Variants in RTKN2 observed in about 807,000 individuals in gnomAD.
The protein encoded by RTKN2 is rhotekin 2, also known as rhotekin-2.
A neutral mutation model predicts 71.5 loss-of-function variants in RTKN2; 69 were observed. The ratio of observed to expected loss-of-function variants is 0.96; its 90% CI spans 0.79 to 1.18. RTKN2 has a LOEUF of 1.18. Ranked by LOEUF, RTKN2 falls within the 50% of genes most tolerant of loss-of-function variation. RTKN2 has a pLI of 0.00. For synonymous variants in RTKN2, 236 were observed against 236.5 expected, an observed-to-expected ratio of 1.00 and a Z score of 0.02; for missense variants, 724 against 719.7, an observed-to-expected ratio of 1.01 and a Z score of -0.07.
intron 7 of RTKN2, among the ~76,000 whole-genome samples, chr10:62,220,253 A>G (rs1346524578): frequency 1.3e-5 from 2 of 152,204 alleles, no homozygotes; most frequent in Non-Finnish European, 2.9e-5. Context: ...CTTTTTCATT[A>G]ATACATTTTA....
At chr10:62,238,476 A>T (rs977472303) in intron 5 of RTKN2, 2 of 152,010 alleles carry the variant, frequency 1.3e-5, no homozygotes, top group African/African-American at 2.4e-5. Context: ...TAGCAAAATG[A>T]TGTGAAGAAA....
At chr10:62,210,806 C>T (rs1841644314) in intron 9 of RTKN2, among the ~76,000 whole-genome samples, 1 of 151,832 alleles carries the variant, frequency 6.6e-6, no homozygotes, top group Non-Finnish European at 1.5e-5. Context: ...ATGTAAACTC[C>T]TACAGGAAAA....
In RTKN2 at chr10:62,198,165, A is replaced by G. The variant is rs150532416; in HGVS notation, c.1573T>C (p.Leu525=). ...SLKSQSNTDQ[L]VKDNWGKTSV... ...GTTTTTCCCCAGTTGTCCTTAACCA[A>G]TTGATCTGTGTTACTCTGTGATTTT... Residue 525 remains leucine (L), a synonymous_variant, in exon 12 of 12, where the codon TTG becomes CTG. Coordinates refer to ENST00000373789, the MANE Select transcript of RTKN2 (RefSeq NM_145307.4). 40 of 1,614,028 alleles carry G rather than the reference A, an allele frequency of 2.5e-5. No individual in the cohort carries two copies. The highest frequency in any genetic ancestry group is 3.3e-5 in the Non-Finnish European group (39 of 1,180,004).
intron 3 of RTKN2, 57 bp downstream of exon 3, chr10:62,245,942 C>G: frequency 1.9e-6 from 2 of 1,067,256 alleles, no homozygotes; most frequent in Non-Finnish European, 2.8e-6. Flanking sequence ...CAAAATCCAC[C>G]ATGTAGTTAC....
intron 8 of RTKN2, among the ~76,000 whole-genome samples, chr10:62,185,777 C>A (rs2132753094): frequency 6.6e-6 from 1 of 152,364 alleles, no homozygotes; most frequent in South Asian, 2.1e-4. Flanking sequence ...GACTCCTCAC[C>A]TTGCAGCCAC....
chr10:62,210,073 C>T (rs1406300411), intron 9 of RTKN2, among the ~76,000 whole-genome samples: 3 of 152,056 alleles, frequency 2.0e-5, no homozygotes, highest in Non-Finnish European at 4.4e-5. Flanking sequence ...AATTTACACC[C>T]CCACCAACAA....
At chr10:62,247,589 T>C (rs929515893) in intron 2 of RTKN2, among the ~76,000 whole-genome samples, 4 of 151,892 alleles carry the variant, frequency 2.6e-5, no homozygotes. Flanking sequence ...TTAAAAAGAG[T>C]GAAGTTCAAC....
chr10:62,224,428 G>A (rs1278320304), intron 6 of RTKN2, among the ~76,000 whole-genome samples: 1 of 152,072 alleles, frequency 6.6e-6, no homozygotes, highest in African/African-American at 2.4e-5. Context: ...ATAAAAATCT[G>A]CAAATTATTT....
Position 62,195,001 on chromosome 10 carries a change from CT to C in RTKN2, c.*2906del. Reference sequence around the variant, plus strand: ...CTGATATTTTTGAAAGACTATTTACCTTAGGAGGTGTGCATTTAGAATTTTA... The same window carrying C: ...CTGATATTTTTGAAAGACTATTTACCTAGGAGGTGTGCATTTAGAATTTTA... On this transcript the variant is annotated 3_prime_UTR_variant, in exon 12 of 12. Transcript: ENST00000373789. 4.1e-6 allele frequency: 4 copies of C among 985,278 alleles called. No individual in the cohort carries two copies. The highest frequency in any genetic ancestry group is 4.8e-6 in the Non-Finnish European group (4 of 829,834). The allele number at this position is 985,278 out of a possible 1,614,324, so 61.0% of individuals were successfully genotyped here. A position where few individuals can be genotyped will look rare whatever the true frequency, so the allele number is the denominator to read the frequency against.
intron 2 of RTKN2, among the ~76,000 whole-genome samples, chr10:62,261,659 A>G (rs950730903): frequency 1.3e-4 from 20 of 152,160 alleles, no homozygotes; most frequent in Non-Finnish European, 2.5e-4. Context: ...TTTAAAAAAT[A>G]AATAAATAAA....
chr10:62,237,928 T>C (rs191758034), intron 5 of RTKN2, among the ~76,000 whole-genome samples: 3 of 151,918 alleles, frequency 2.0e-5, no homozygotes, highest in Non-Finnish European at 2.9e-5. Flanking sequence ...GGCTTTACCC[T>C]TTTTCAGACA....
chr10:62,249,172 C>G (rs1842531462), intron 2 of RTKN2, among the ~76,000 whole-genome samples: 2 of 151,882 alleles, frequency 1.3e-5, no homozygotes, highest in Admixed American at 6.6e-5. Flanking sequence ...GAGCAATGAA[C>G]AAAAACACTG....
chr10:62,219,834 G>A lies in RTKN2; in HGVS notation c.782-1533C>T, dbSNP rs916445613. Among the ~76,000 whole-genome samples, 3 of 151,842 alleles carry A rather than the reference G, an allele frequency of 2.0e-5. No individual in the cohort carries two copies. The South Asian group carries it at 6.2e-4, about 31-fold the overall frequency. On this transcript the variant is annotated intron_variant, in intron 7 of 11. Coordinates refer to ENST00000373789, the MANE Select transcript of RTKN2 (RefSeq NM_145307.4). ...CAACTTGCAACTTTTCTGTAAGTTT[G>A]ACATTGTTTAAAAAAGTTACTTCAA... is the stretch of plus-strand genomic sequence containing the variant.
intron 7 of RTKN2, among the ~76,000 whole-genome samples, chr10:62,222,021 A>C (rs1841919273): frequency 6.6e-6 from 1 of 152,232 alleles, no homozygotes; most frequent in South Asian, 2.1e-4. Context: ...AACTATTAAG[A>C]ATAATTAAAT....
At position 62,196,511 on chromosome 10, in the gene RTKN2, A is replaced by G; in HGVS notation, c.*1397T>C. On this transcript the variant is annotated 3_prime_UTR_variant, in exon 12 of 12. Transcript: ENST00000373789. ...ATGGAAAAGACCCCGCTATCTGAAA[A>G]TAATGAAAGGCTCCATTTAAATTAA... 3.0e-6 allele frequency: 3 copies of G among 985,398 alleles called. No individual in the cohort carries two copies. Among genetic ancestry groups the G allele is most frequent in the Non-Finnish European group, 3.6e-6 (3 of 829,886 alleles). The allele number at this position is 985,398 out of a possible 1,614,324, so 61.0% of individuals were successfully genotyped here.
At chr10:62,267,122 A>G (rs893542895) in intron 1 of RTKN2, among the ~76,000 whole-genome samples, 1 of 152,200 alleles carries the variant, frequency 6.6e-6, no homozygotes, top group Non-Finnish European at 1.5e-5. Flanking sequence ...TTAGGTTGCA[A>G]CCTACTACTA....
chr10:62,198,319 G>T lies in RTKN2; in HGVS notation c.1419C>A (p.Leu473=). 6.2e-7 allele frequency: 1 copy of T among 1,613,098 alleles called. No homozygotes were observed. Among genetic ancestry groups the T allele is most frequent in the Non-Finnish European group, 8.5e-7 (1 of 1,179,126 alleles). Residue 473 remains leucine (L), a synonymous_variant, in exon 12 of 12, where the codon CTC becomes CTA. Coordinates refer to ENST00000373789, the MANE Select transcript of RTKN2 (RefSeq NM_145307.4). ...TGACCATTTGATGGTTACCATCAAA[G>T]AGTGTGGCCCAAGGAGGTGGTAAGG... ...EESLPPPWAT[L]FDGNHQMVIQ...
At chr10:62,222,976 A>G (rs1841941537) in intron 7 of RTKN2, among the ~76,000 whole-genome samples, 1 of 152,208 alleles carries the variant, frequency 6.6e-6, no homozygotes, top group South Asian at 2.1e-4. Flanking sequence ...AAGAGTGGTA[A>G]AGTCATAAAT....
chr10:62,241,978 C>T (rs978865941), intron 3 of RTKN2, among the ~76,000 whole-genome samples: 4 of 151,448 alleles, frequency 2.6e-5, no homozygotes, highest in Non-Finnish European at 4.4e-5. Context: ...GGATTACAGG[C>T]GTGAGCCACT....
Sources: allele counts gnomAD v4.1 joint callset (sites outside exome capture counted in the v4.1 genomes callset), GRCh38; gene constraint gnomAD v4.1.1; transcripts MANE v1.5; gene names NCBI Gene and HGNC (gene_info 2026-07-23, HGNC 2026-07-21).